The following NEDD4 variants were observed in gnomAD, a reference collection of about 807,000 sequenced individuals.
The protein encoded by NEDD4 is NEDD4 E3 ubiquitin protein ligase.
NEDD4 carries 99 observed loss-of-function variants against 144.9 expected under a neutral mutation model. The ratio of observed to expected loss-of-function variants is 0.68; its 90% confidence interval spans 0.58 to 0.81. The LOEUF (loss-of-function observed/expected upper bound fraction) is 0.81. Ranked by LOEUF, NEDD4 falls within the 30% of genes least tolerant of loss-of-function variation. NEDD4 has a pLI of 0.00. For synonymous variants in NEDD4, 318 were observed against 350.6 expected, an observed-to-expected ratio of 0.91 and a Z score of 1.04; for missense variants, 985 against 1,065.9, an observed-to-expected ratio of 0.92 and a Z score of 1.06.
chr15:55,953,377 C>T (rs908920849), intron 2 of NEDD4, among the ~76,000 whole-genome samples: 9 of 151,996 alleles, frequency 5.9e-5, no homozygotes, highest in Non-Finnish European at 4.4e-5. Flanking sequence ...AGCTAGAAAG[C>T]GGACAGCCAG....
chr15:55,840,042 A>ATATATATAT (rs762826342), intron 21 of NEDD4, among the ~76,000 whole-genome samples: 6 of 100,632 alleles, frequency 6.0e-5, no homozygotes, highest in South Asian at 3.0e-4. Flanking sequence ...ATATATATAT[A>ATATATATAT]ACATTCATCA....
chr15:55,907,710 T>C (rs1462151674), intron 5 of NEDD4, among the ~76,000 whole-genome samples: 1 of 152,234 alleles, frequency 6.6e-6, no homozygotes, highest in Non-Finnish European at 1.5e-5. Flanking sequence ...CTCCAGGAAC[T>C]AGTCTGAGAA....
chr15:55,848,241 A>G, intron 17 of NEDD4, 131 bp downstream of exon 17: 1 of 805,474 alleles, frequency 1.2e-6, no homozygotes, highest in Non-Finnish European at 2.1e-6. Context: ...GAGTATGGGA[A>G]ATGGGGGAGA....
At chr15:55,884,812 T>C (rs1397911505) in intron 5 of NEDD4, among the ~76,000 whole-genome samples, 1 of 151,920 alleles carries the variant, frequency 6.6e-6, no homozygotes, top group East Asian at 1.9e-4. Context: ...ATCTAGAAAA[T>C]AGCCTCAAAT....
intron 7 of NEDD4, among the ~76,000 whole-genome samples, chr15:55,871,510 T>C (rs546825797): frequency 2.9e-4 from 44 of 152,308 alleles, no homozygotes; most frequent in Admixed American, 6.5e-4. Context: ...ATTTAGTTAT[T>C]CTTGATATGC....
At chr15:55,955,630 C>T (rs191925209) in intron 2 of NEDD4, among the ~76,000 whole-genome samples, 68 of 152,068 alleles carry the variant, frequency 4.5e-4, no homozygotes, top group African/African-American at 1.6e-3. Flanking sequence ...CATATTGTCA[C>T]ATGAATTTCC....
chr15:55,832,478 G>A (rs1185259314), intron 27 of NEDD4, among the ~76,000 whole-genome samples: 1 of 151,992 alleles, frequency 6.6e-6, no homozygotes, highest in African/African-American at 2.4e-5. Context: ...ACAGTGGTGC[G>A]ATCTTGGCTC....
chr15:55,928,127 G>A (rs895778870), intron 4 of NEDD4, among the ~76,000 whole-genome samples: 1 of 151,494 alleles, frequency 6.6e-6, no homozygotes, highest in Non-Finnish European at 1.5e-5. Flanking sequence ...CTCCTGCCTC[G>A]ACCTCCCAAG....
At chr15:55,881,037 G>A (rs1349018809) in intron 5 of NEDD4, among the ~76,000 whole-genome samples, 1 of 152,048 alleles carries the variant, frequency 6.6e-6, no homozygotes, top group Non-Finnish European at 1.5e-5. Context: ...TTAGTTTAAC[G>A]CCATATTCCT....
At chr15:55,966,366 C>T in intron 2 of NEDD4, 107 bp downstream of exon 2, 2 of 659,094 alleles carry the variant, frequency 3.0e-6, no homozygotes, top group Non-Finnish European at 5.1e-6. Context: ...TTATACTTTC[C>T]ACAACAATTT....
chr15:55,922,384 C>CA lies in NEDD4; in HGVS notation c.291+2261dup, dbSNP rs139695240. The stretch of plus-strand genomic sequence containing the variant: ...ATGTGGGTTTTTGCTTTTTTGGAGA[C>CA]AGAGTTTCGCTCTTGTCACCTAGGC... On this transcript the variant is annotated intron_variant, in intron 5 of 28. Coordinates refer to ENST00000435532, the MANE Select transcript of NEDD4 (RefSeq NM_006154.4). Among the ~76,000 whole-genome samples, 910 of 152,116 alleles carry CA rather than the reference C, an allele frequency of 6.0e-3. 6 individuals are homozygous for CA. The highest frequency in any genetic ancestry group is 0.02 in the Middle Eastern group (6 of 294).
chr15:55,881,019 A>C (rs939669486), intron 5 of NEDD4, among the ~76,000 whole-genome samples: 5 of 152,208 alleles, frequency 3.3e-5, no homozygotes, highest in Non-Finnish European at 5.9e-5. Context: ...AAGGCCTAAC[A>C]AATTAGCTTA....
At chr15:55,944,068 T>C (rs67790265) in intron 4 of NEDD4, among the ~76,000 whole-genome samples, 20,481 of 152,150 alleles carry the variant, frequency 0.13, 1,507 homozygotes, top group East Asian at 0.32. Flanking sequence ...CCCGGTATGA[T>C]TGACGCAGAA....
At chr15:55,903,485 T>G (rs1250697132) in intron 5 of NEDD4, among the ~76,000 whole-genome samples, 1 of 152,136 alleles carries the variant, frequency 6.6e-6, no homozygotes, top group Non-Finnish European at 1.5e-5. Context: ...GCACATGAAG[T>G]ATGCTGTTTT....
At chr15:55,993,376 G>T in intron 1 of NEDD4, 135 bp downstream of exon 1, 2 of 1,084,038 alleles carry the variant, frequency 1.8e-6, no homozygotes, top group Non-Finnish European at 2.5e-6. Flanking sequence ...CGCCTCGCGC[G>T]CTCCCCAGGC....
Position 55,827,051 on chromosome 15 carries a change from A to G in NEDD4, c.*2846T>C, listed in dbSNP as rs1301157228. On this transcript the variant is annotated 3_prime_UTR_variant, in exon 29 of 29. Coordinates refer to ENST00000435532, the MANE Select transcript of NEDD4 (RefSeq NM_006154.4). ...ATATATATATTTACTGTGTCAGAAG[A>G]TTTTAAAAAGTCAAATAGTTTATAA... The G allele has an allele frequency of 6.6e-6, 1 of 152,234 alleles. No individual in the cohort carries two copies. The highest frequency in any genetic ancestry group is 2.4e-5 in the African/African-American group (1 of 41,462). 9.4% of individuals were successfully genotyped at this position (152,234 alleles called of 1,614,324 possible).
At chr15:55,902,578 C>T (rs909516878) in intron 5 of NEDD4, among the ~76,000 whole-genome samples, 5 of 152,070 alleles carry the variant, frequency 3.3e-5, no homozygotes, top group Non-Finnish European at 7.4e-5. Context: ...ATGAGGCATA[C>T]ATAGGGGTTC....
chr15:55,915,837 A>G, intron 5 of NEDD4: 3 of 1,613,830 alleles, frequency 1.9e-6, no homozygotes, highest in Non-Finnish European at 2.5e-6. Flanking sequence ...GGGGGTACAA[A>G]TTGTTTTAGA....
chr15:55,991,319 G>A (rs1275426501), intron 1 of NEDD4, among the ~76,000 whole-genome samples: 1 of 152,102 alleles, frequency 6.6e-6, no homozygotes, highest in Non-Finnish European at 1.5e-5. Flanking sequence ...GGGGGAGTGT[G>A]GTTTCAATCC....
Sources: gnomAD v4.1 joint callset for allele counts (sites outside exome capture counted in the v4.1 genomes callset) on GRCh38, gnomAD v4.1.1 for gene constraint, MANE v1.5 for transcripts, NCBI Gene and HGNC (gene_info 2026-07-23, HGNC 2026-07-21) for gene names.